The following SCLT1 variants were observed in gnomAD, a reference collection of about 807,000 sequenced individuals.
SCLT1 encodes the protein sodium channel-associated protein 1.
SCLT1 carries 78 observed loss-of-function variants against 112.8 expected under a neutral mutation model. The ratio of observed to expected loss-of-function variants is 0.69; its 90% CI spans 0.58 to 0.83. The LOEUF is 0.83. Ranked by LOEUF, SCLT1 falls within the 40% of genes least tolerant of loss-of-function variation. The pLI is 0.00. For synonymous variants in SCLT1, 257 were observed against 254.7 expected (o/e 1.01, Z -0.09); for missense variants, 747 against 770.4 (o/e 0.97, Z 0.36).
intron 17 of SCLT1, among the ~76,000 whole-genome samples, chr4:128,939,400 G>A (rs1000302868): frequency 3.3e-5 from 5 of 152,052 alleles, no homozygotes; most frequent in Admixed American, 6.6e-5. Context: ...TATACAATTC[G>A]AATTACTACC....
chr4:128,954,926 T>TG (rs1739095875), intron 13 of SCLT1, among the ~76,000 whole-genome samples: 1 of 152,220 alleles, frequency 6.6e-6, no homozygotes, highest in Non-Finnish European at 1.5e-5. Flanking sequence ...ACATAATTTC[T>TG]AAAATGTGTT....
chr4:128,926,413 A>T (rs1736304146), intron 18 of SCLT1, among the ~76,000 whole-genome samples: 1 of 152,140 alleles, frequency 6.6e-6, no homozygotes, highest in Non-Finnish European at 1.5e-5. Flanking sequence ...CAAAGATGTT[A>T]TCTTTAATGT....
chr4:128,886,953 G>T (rs1732937831), intron 20 of SCLT1, among the ~76,000 whole-genome samples: 1 of 152,168 alleles, frequency 6.6e-6, no homozygotes, highest in Admixed American at 6.5e-5. Context: ...TAAGGATTAT[G>T]ATACAGAAAT....
In SCLT1 at chr4:128,979,523, C is replaced by T. The variant is rs541150543; in HGVS notation, c.687-9055G>A. ...GCCATTTTCTTAATTTTGAACTTCA[C>T]GGCCTCCAGACTGTAATAAATACAT... On this transcript the variant is annotated intron_variant, in intron 9 of 20. Transcript: ENST00000281142. Among the ~76,000 whole-genome samples the T allele has an allele frequency of 2.8e-4, 42 of 152,268 alleles. 2 individuals carry two copies. In the South Asian group the frequency reaches 4.4e-3, roughly 16 times the overall value.
intron 14 of SCLT1, among the ~76,000 whole-genome samples, chr4:128,951,772 C>A (rs1738761854): frequency 6.6e-6 from 1 of 152,126 alleles, no homozygotes; most frequent in Non-Finnish European, 1.5e-5. Flanking sequence ...TTGCATCTCA[C>A]TAATTTTACT....
At chr4:128,998,220 A>G (rs1177088135) in intron 7 of SCLT1, among the ~76,000 whole-genome samples, 3 of 151,844 alleles carry the variant, frequency 2.0e-5, no homozygotes, top group Admixed American at 2.0e-4. Flanking sequence ...TAAAACTTGA[A>G]GAAAGAGATC....
At chr4:128,908,895 T>C (rs780716377) in intron 18 of SCLT1, among the ~76,000 whole-genome samples, 3 of 152,218 alleles carry the variant, frequency 2.0e-5, no homozygotes, top group Non-Finnish European at 4.4e-5. Flanking sequence ...CCAAACTGCC[T>C]AAGACATGCA....
In SCLT1 at chr4:128,921,861, T is replaced by C. The variant is rs374951096; in HGVS notation, c.1829+14794A>G. 3.9e-5 allele frequency among the ~76,000 whole-genome samples: 6 copies of C among 152,022 alleles called. No individual in the cohort carries two copies. In the South Asian group the frequency reaches 6.2e-4, roughly 16 times the overall value. ...AAATATCAACAGAGTAAATAGACAA[T>C]CTACAGAATGGGAGAGAATATTAGC... On this transcript the variant is annotated intron_variant, in intron 18 of 20. Coordinates refer to ENST00000281142, the MANE Select transcript of SCLT1 (RefSeq NM_144643.4).
intron 9 of SCLT1, 47 bp downstream of exon 9, chr4:128,992,120 A>T: frequency 7.8e-7 from 1 of 1,286,900 alleles, no homozygotes; most frequent in Non-Finnish European, 1.1e-6. Flanking sequence ...GCTCCCCTGA[A>T]GAAAAATAAT....
chr4:129,053,557 A>ATTTTTTTTTTTTTTTTTTTTTTTT lies in SCLT1; in HGVS notation c.103-9530_103-9507dup, dbSNP rs528905688. ...TTAGAGACTAGGATTGCAATCCCTG[A>ATTTTTTTTTTTTTTTTTTTTTTTT]TTTTTTTTTTTTTTTTTTTTTTTTT... On this transcript the variant is annotated intron_variant, in intron 2 of 20. Transcript: ENST00000281142. Among the ~76,000 whole-genome samples, 16 of 45,236 alleles carry ATTTTTTTTTTTTTTTTTTTTTTTT rather than the reference A, an allele frequency of 3.5e-4. 3 individuals are homozygous for ATTTTTTTTTTTTTTTTTTTTTTTT. Among genetic ancestry groups the ATTTTTTTTTTTTTTTTTTTTTTTT allele is most frequent in the South Asian group, 1.2e-3 (1 of 868 alleles). 29.7% of individuals were successfully genotyped at this position (45,236 alleles called of 152,430 possible).
intron 1 of SCLT1, among the ~76,000 whole-genome samples, chr4:129,084,472 T>C (rs757344350): frequency 4.4e-4 from 67 of 152,012 alleles, no homozygotes; most frequent in Non-Finnish European, 9.3e-4. Flanking sequence ...CAACAGAAGA[T>C]GTTTAAGACC....
intron 2 of SCLT1, among the ~76,000 whole-genome samples, chr4:129,047,790 T>C (rs948966558): frequency 4.6e-5 from 7 of 152,160 alleles, no homozygotes; most frequent in African/African-American, 1.2e-4. Context: ...TGTCTTCTTT[T>C]AGAGATGTCT....
intron 9 of SCLT1, among the ~76,000 whole-genome samples, chr4:128,978,190 G>T (rs1294254226): frequency 1.3e-5 from 2 of 151,988 alleles, no homozygotes; most frequent in African/African-American, 2.4e-5. Context: ...TTTTAAAAAA[G>T]GAGTTTACTG....
At chr4:128,888,594 AAAT>A (rs1733070157) in intron 20 of SCLT1, 82 bp downstream of exon 20, 9 of 706,666 alleles carry the variant, frequency 1.3e-5, no homozygotes, top group Non-Finnish European at 2.1e-5. Context: ...AATCTAGTAA[AAAT>A]AAACTATTAA....
At chr4:128,930,218 C>T (rs1736648356) in intron 18 of SCLT1, among the ~76,000 whole-genome samples, 1 of 152,068 alleles carries the variant, frequency 6.6e-6, no homozygotes, top group African/African-American at 2.4e-5. Flanking sequence ...AAGACAGCTG[C>T]CAAGTCATGA....
chr4:129,028,601 C>G (rs559555095), intron 5 of SCLT1, among the ~76,000 whole-genome samples: 2 of 152,264 alleles, frequency 1.3e-5, no homozygotes, highest in South Asian at 2.1e-4. Flanking sequence ...CATTACCATT[C>G]AAGACATAGG....
intron 5 of SCLT1, among the ~76,000 whole-genome samples, chr4:129,008,402 C>G (rs916137779): frequency 6.6e-6 from 1 of 152,164 alleles, no homozygotes; most frequent in African/African-American, 2.4e-5. Flanking sequence ...TATCTTACTG[C>G]TATTCCTTTG....
chr4:128,976,168 T>G (rs917595261), intron 9 of SCLT1, among the ~76,000 whole-genome samples: 7 of 152,200 alleles, frequency 4.6e-5, no homozygotes, highest in African/African-American at 1.7e-4. Context: ...TTTTTGCAAC[T>G]AATATGGATA....
chr4:128,890,694 A>G (rs950285656), intron 19 of SCLT1, among the ~76,000 whole-genome samples: 1 of 152,210 alleles, frequency 6.6e-6, no homozygotes, highest in Admixed American at 6.5e-5. Flanking sequence ...CCAGTAGGCA[A>G]AAGTATTTTT....
Sources: gnomAD v4.1 joint callset for allele counts (sites outside exome capture counted in the v4.1 genomes callset) on GRCh38, gnomAD v4.1.1 for gene constraint, MANE v1.5 for transcripts, NCBI Gene and HGNC (gene_info 2026-07-23, HGNC 2026-07-21) for gene names.